KDM5A: variants seen among roughly 807,000 people sequenced by gnomAD.
KDM5A encodes lysine-specific demethylase 5A.
In KDM5A, 42 loss-of-function variants were observed where a neutral mutation model predicts 193.5. That is an observed-to-expected ratio of 0.22 (90% confidence interval 0.17 to 0.28). The LOEUF is 0.28. KDM5A is among the 10% of genes least tolerant of loss of function. The pLI, the probability that KDM5A is intolerant of heterozygous loss-of-function variation, is 1.00. For missense variants in KDM5A, 1,692 were observed against 2,055.1 expected (o/e 0.82, Z 3.42); for synonymous variants, 796 against 718.1 (o/e 1.11, Z -1.73).
At chr12:385,137 C>T (rs893822417) in intron 2 of KDM5A, among the ~76,000 whole-genome samples, 5 of 148,366 alleles carry the variant, frequency 3.4e-5, no homozygotes, top group African/African-American at 1.3e-4. Context: ...GAGCCGAGAT[C>T]GCACCACTGC....
intron 10 of KDM5A, among the ~76,000 whole-genome samples, chr12:341,831 T>C (rs1289878330): frequency 1.4e-5 from 2 of 145,858 alleles, no homozygotes; most frequent in Non-Finnish European, 3.0e-5. Flanking sequence ...ACCTGGGAGG[T>C]GGAGGCTGCA....
chr12:360,771 C>T (rs1224973810), intron 5 of KDM5A, among the ~76,000 whole-genome samples: 1 of 152,058 alleles, frequency 6.6e-6, no homozygotes, highest in East Asian at 1.9e-4. Flanking sequence ...AAGAAGAGGG[C>T]TTTTATGTTT....
intron 25 of KDM5A, among the ~76,000 whole-genome samples, chr12:296,348 T>G (rs948532928): frequency 1.5e-4 from 23 of 151,800 alleles, no homozygotes; most frequent in Non-Finnish European, 3.2e-4. Flanking sequence ...AAGTGGTTCT[T>G]TATCCTGAAC....
At chr12:362,036 T>C (rs921643324) in intron 5 of KDM5A, among the ~76,000 whole-genome samples, 2 of 152,226 alleles carry the variant, frequency 1.3e-5, no homozygotes, top group Non-Finnish European at 2.9e-5. Flanking sequence ...TTTATCCTGC[T>C]TCTCTGACAC....
In KDM5A at chr12:334,231, CT is replaced by C. The variant is rs753317000; in HGVS notation, c.1490+9del. Reference sequence around the variant, plus strand: ...GAGTTCATGCATGCTGTATTTTAGACTGTACATACCAGTGCAAGTAGTTGAT... The same window carrying C: ...GAGTTCATGCATGCTGTATTTTAGACGTACATACCAGTGCAAGTAGTTGAT... On this transcript the variant is annotated intron_variant, in intron 11 of 27. Transcript: ENST00000399788. The C allele has an allele frequency of 1.2e-6, 2 of 1,612,216 alleles. No homozygotes were observed. Among genetic ancestry groups the C allele is most frequent in the Non-Finnish European group, 1.7e-6 (2 of 1,178,296 alleles).
rs1675993797 is a variant in KDM5A at position 280,072 on chromosome 12, G to A, written c.*5384C>T. 1 of 217,834 alleles carries A rather than the reference G, an allele frequency of 4.6e-6. No homozygotes were observed. Among genetic ancestry groups the A allele is most frequent in the African/African-American group, 2.2e-5 (1 of 44,680 alleles). The allele number at this position is 217,834 out of a possible 1,614,324, so 13.5% of individuals were successfully genotyped here. A position where few individuals can be genotyped will look rare whatever the true frequency, so the allele number is the denominator to read the frequency against. ...GAACTTTAAGGAAATATTAAATCAA[G>A]TCTTTCTTCCTACCAAAGTAGAAAT... On this transcript the variant is annotated 3_prime_UTR_variant, in exon 28 of 28. Coordinates refer to ENST00000399788, the MANE Select transcript of KDM5A (RefSeq NM_001042603.3).
Position 283,341 on chromosome 12 carries a change from T to C in KDM5A, c.*2115A>G, listed in dbSNP as rs886857164. 3 of 232,322 alleles carry C rather than the reference T, an allele frequency of 1.3e-5. No individual in the cohort carries two copies. Among genetic ancestry groups the C allele is most frequent in the African/African-American group, 6.6e-5 (3 of 45,310 alleles). The allele number at this position is 232,322 out of a possible 1,614,324, so 14.4% of individuals were successfully genotyped here. A position where few individuals can be genotyped will look rare whatever the true frequency, so the allele number is the denominator to read the frequency against. ...ACGAAAACTTATGAAATCAGTTAAT[T>C]AGTTACCTTGCAATATCCATTGAAA... On this transcript the variant is annotated 3_prime_UTR_variant, in exon 28 of 28. Coordinates refer to ENST00000399788, the MANE Select transcript of KDM5A (RefSeq NM_001042603.3).
chr12:335,013 A>G (rs1431137762), intron 10 of KDM5A, among the ~76,000 whole-genome samples: 1 of 152,124 alleles, frequency 6.6e-6, no homozygotes, highest in African/African-American at 2.4e-5. Flanking sequence ...GAAATACCGG[A>G]TAAATTATAA....
At chr12:336,346 A>T (rs886728298) in intron 10 of KDM5A, among the ~76,000 whole-genome samples, 1 of 144,672 alleles carries the variant, frequency 6.9e-6, no homozygotes, top group African/African-American at 2.6e-5. Context: ...ACAGAGTGAG[A>T]CCCTGTCTCA....
At chr12:378,204 AAGT>A (rs1591940950) in intron 3 of KDM5A, among the ~76,000 whole-genome samples, 2 of 152,186 alleles carry the variant, frequency 1.3e-5, no homozygotes, top group Non-Finnish European at 2.9e-5. Context: ...AAAGAACTGA[AAGT>A]GATTAGTTCT....
intron 24 of KDM5A, among the ~76,000 whole-genome samples, chr12:299,954 T>C (rs1943421951): frequency 7.0e-6 from 1 of 143,790 alleles, no homozygotes; most frequent in Non-Finnish European, 1.5e-5. Context: ...CATTACATAA[T>C]GGTAAAGGGA....
At position 280,450 on chromosome 12, in the gene KDM5A, C is replaced by A. The variant is rs949709003; in HGVS notation, c.*5006G>T. On this transcript the variant is annotated 3_prime_UTR_variant, in exon 28 of 28. Coordinates refer to ENST00000399788, the MANE Select transcript of KDM5A (RefSeq NM_001042603.3). ...ATTTCCCAAGAGGTAATCAGATTCC[C>A]CTCCCTGCCCCCGCTCTTTCAACCA... 8.6e-5 allele frequency: 20 copies of A among 232,888 alleles called. No homozygotes were observed. The highest frequency in any genetic ancestry group is 1.6e-4 in the Non-Finnish European group (19 of 117,960). The allele number at this position is 232,888 out of a possible 1,614,324, so 14.4% of individuals were successfully genotyped here. A position where few individuals can be genotyped will look rare whatever the true frequency, so the allele number is the denominator to read the frequency against.
chr12:309,065 A>G lies in KDM5A; in HGVS notation c.3378+738T>C, dbSNP rs142370980. On this transcript the variant is annotated intron_variant, in intron 22 of 27. Coordinates refer to ENST00000399788, the MANE Select transcript of KDM5A (RefSeq NM_001042603.3). ...ACATTCCTAAGAGTCAAGTCTAGGAAATTTAAAAGAAGGAAAAGGTTATAA... is the reference window on the plus strand; with the variant it reads ...ACATTCCTAAGAGTCAAGTCTAGGAGATTTAAAAGAAGGAAAAGGTTATAA... Among the ~76,000 whole-genome samples the G allele has an allele frequency of 6.6e-4, 101 of 152,378 alleles. No individual in the cohort carries two copies. The East Asian group carries it at 0.018, about 28-fold the overall frequency.
chr12:366,088 C>T lies in KDM5A; in HGVS notation c.383G>A (p.Gly128Glu), dbSNP rs1944354125. 6.2e-7 allele frequency: 1 copy of T among 1,614,028 alleles called. No homozygotes were observed. Among genetic ancestry groups the T allele is most frequent in the Non-Finnish European group, 8.5e-7 (1 of 1,179,974 alleles). ...YALSKIVASK[G>E]GFEMVTKEKK... is the part of the protein sequence containing the mutation. ...CTCTTTGGTGACCATTTCAAAACCT[C>T]CTTTGCTGGCAACAATCTGAAAAGA... The change falls in exon 4 of 28, where the codon GGA becomes GAA. Residue 128 changes from glycine (G) to glutamate (E), a missense_variant. Gly to Glu is a moderately conservative substitution (Grantham distance 98). This residue lies in a region of KDM5A where 120 missense variants were observed against 172.0 expected (regional missense o/e 0.70). Transcript: ENST00000399788.
chr12:323,233 AAAAAAAG>A, intron 15 of KDM5A, 27 bp from the exon 16 acceptor site: 1 of 1,498,986 alleles, frequency 6.7e-7, no homozygotes, highest in Non-Finnish European at 8.9e-7. Flanking sequence ...AAAAAAAAAA[AAAAAAAG>A]AAAACAGAAA....
rs759376877 is a variant in KDM5A at position 307,111 on chromosome 12, G to C, written c.3931-22C>G. The C allele has an allele frequency of 3.1e-6, 5 of 1,613,936 alleles. No individual in the cohort carries two copies. In the East Asian group the frequency reaches 6.7e-5, roughly 22 times the overall value. On this transcript the variant is annotated intron_variant, in intron 23 of 27. Coordinates refer to ENST00000399788, the MANE Select transcript of KDM5A (RefSeq NM_001042603.3). This position sits in a 1 kb window ranked among gnomAD's most constrained non-coding sequence, Gnocchi z 4.3. ...GTCCCTAAACAACAAATAATTCCAA[G>C]ATGAACAGCAAGACATGCTAAACAG...
chr12:338,909 G>C (rs1591920255), intron 10 of KDM5A, among the ~76,000 whole-genome samples: 2 of 152,312 alleles, frequency 1.3e-5, no homozygotes, highest in South Asian at 4.1e-4. Flanking sequence ...GGCAGGCGCA[G>C]TGGCTCACAC....
chr12:330,085 G>GTGTGTGTGTGTATATATATATATATA (rs377271333), intron 13 of KDM5A, among the ~76,000 whole-genome samples: 7 of 139,322 alleles, frequency 5.0e-5, no homozygotes, highest in African/African-American at 1.9e-4. Context: ...GTGTGTGTGT[G>GTGTGTGTGTGTATATATATATATATA]TATATATATA....
chr12:322,457 A>G lies in KDM5A; in HGVS notation c.2386T>C (p.Ser796Pro). 6.2e-7 allele frequency: 1 copy of G among 1,613,568 alleles called. No homozygotes were observed. The highest frequency in any genetic ancestry group is 8.5e-7 in the Non-Finnish European group (1 of 1,179,962). ...DAVKEAETCA[S>P]VAQLLLSKKQ... ...TTGCTCAGAAGCAGCTGAGCCACAGAAGCACAGGTCTCAGCTTCTTTTACA... is the reference window on the plus strand; with the variant it reads ...TTGCTCAGAAGCAGCTGAGCCACAGGAGCACAGGTCTCAGCTTCTTTTACA... The change falls in exon 17 of 28, where the codon TCT becomes CCT. Residue 796 changes from serine to proline, a missense_variant. By Grantham distance (74) the Ser-to-Pro change is moderately conservative. Around this residue, in one of 11 missense-constraint regions of KDM5A, gnomAD observed 965 missense variants for 1,061.0 expected, o/e 0.91. Transcript: ENST00000399788.
Sources: gnomAD v4.1 joint callset for allele counts (sites outside exome capture counted in the v4.1 genomes callset) on GRCh38, gnomAD v4.1.1 for gene constraint, gnomAD v4.1.1 regional missense constraint, Gnocchi (gnomAD v3.1) non-coding constraint, MANE v1.5 for transcripts, NCBI Gene and HGNC (gene_info 2026-07-23, HGNC 2026-07-21) for gene names.